The following HAS2 variants were observed in gnomAD, a reference collection of about 807,000 sequenced individuals.
The protein encoded by HAS2 is HA synthase 2.
In HAS2, 16 loss-of-function variants were observed where a neutral mutation model predicts 51.6. The observed-to-expected ratio is 0.31, with a 90% CI of 0.21 to 0.47. HAS2 has a LOEUF of 0.47. Ranked by LOEUF, HAS2 falls within the 20% of genes least tolerant of loss-of-function variation. The probability of loss-of-function intolerance (pLI) is 1.00; values close to 1 mark genes in which losing one functional copy is unlikely to be tolerated. For missense variants in HAS2, 361 were observed against 662.6 expected (o/e 0.54, Z 5.00); for synonymous variants, 228 against 235.5 (o/e 0.97, Z 0.29).
intron 2 of HAS2, among the ~76,000 whole-genome samples, chr8:121,620,236 A>G (rs1812755904): frequency 6.6e-6 from 1 of 152,218 alleles, no homozygotes; most frequent in Non-Finnish European, 1.5e-5. Context: ...ATGTGTATTC[A>G]TGGACACAAG....
intron 1 of HAS2, among the ~76,000 whole-genome samples, chr8:121,637,817 G>A (rs1420431283): frequency 1.3e-5 from 2 of 152,144 alleles, no homozygotes; most frequent in African/African-American, 2.4e-5. Flanking sequence ...CACTCTGTTG[G>A]CATACCAGCT....
chr8:121,627,586 A>T (rs1490839188), intron 2 of HAS2, among the ~76,000 whole-genome samples: 1 of 152,206 alleles, frequency 6.6e-6, no homozygotes, highest in Non-Finnish European at 1.5e-5. Flanking sequence ...ACTTTTGCTA[A>T]ACACTTGGAA....
At chr8:121,633,894 A>G (rs1812969084) in intron 1 of HAS2, among the ~76,000 whole-genome samples, 2 of 135,784 alleles carry the variant, frequency 1.5e-5, no homozygotes, top group African/African-American at 5.7e-5. Flanking sequence ...GAGTTACCCT[A>G]GTTTTTTGTT....
intron 1 of HAS2, among the ~76,000 whole-genome samples, chr8:121,634,063 A>G (rs1246752511): frequency 2.0e-5 from 3 of 152,018 alleles, no homozygotes; most frequent in African/African-American, 7.2e-5. Flanking sequence ...GGCATGTGCC[A>G]CCACGCCTGG....
intron 2 of HAS2, among the ~76,000 whole-genome samples, chr8:121,626,323 A>G (rs1031403253): frequency 2.6e-5 from 4 of 152,218 alleles, no homozygotes; most frequent in Non-Finnish European, 5.9e-5. Context: ...ATAATAGGCT[A>G]TGAGAGCAAT....
chr8:121,625,856 C>T (rs1019348176), intron 2 of HAS2, among the ~76,000 whole-genome samples: 2 of 151,926 alleles, frequency 1.3e-5, no homozygotes, highest in Admixed American at 6.6e-5. Flanking sequence ...TTTTTCCCTT[C>T]CTCTGTTTTC....
At chr8:121,621,396 C>G (rs1411277988) in intron 2 of HAS2, among the ~76,000 whole-genome samples, 1 of 152,154 alleles carries the variant, frequency 6.6e-6, no homozygotes, top group Non-Finnish European at 1.5e-5. Context: ...CTTCTATAAC[C>G]TTGAATGAGC....
chr8:121,629,818 A>G (rs1159672680), intron 1 of HAS2, among the ~76,000 whole-genome samples: 1 of 152,082 alleles, frequency 6.6e-6, no homozygotes, highest in Admixed American at 6.6e-5. Flanking sequence ...ATTTAATCTC[A>G]CCTCCAATGT....
Position 121,614,261 on chromosome 8 carries a change from G to C in HAS2, c.1507C>G (p.Pro503Ala). The change falls in exon 4 of 4, where the codon CCA becomes GCA. Residue 503 changes from proline to alanine, a missense_variant. Transcript: ENST00000303924. This position sits in a 1 kb window ranked among gnomAD's most constrained non-coding sequence, Gnocchi z 7.2. ...IFTIYKESKR[P>A]FSESKQTVLI... The stretch of plus-strand genomic sequence containing the variant: ...ACTGTCTGTTTGGATTCTGAAAATG[G>C]CCTTTTAGACTCCTTATAAATGGTG... 1 of 1,614,004 alleles carries C rather than the reference G, an allele frequency of 6.2e-7. No individual in the cohort carries two copies. Among genetic ancestry groups the C allele is most frequent in the Non-Finnish European group, 8.5e-7 (1 of 1,179,900 alleles).
chr8:121,633,625 C>T (rs1563623980), intron 1 of HAS2, among the ~76,000 whole-genome samples: 2 of 152,166 alleles, frequency 1.3e-5, no homozygotes, highest in African/African-American at 2.4e-5. Context: ...AATAGCAATT[C>T]TGCTCCTAAT....
At chr8:121,618,749 G>T (rs1812740188) in intron 2 of HAS2, among the ~76,000 whole-genome samples, 1 of 152,176 alleles carries the variant, frequency 6.6e-6, no homozygotes, top group African/African-American at 2.4e-5. Context: ...GATTGGCAGA[G>T]ACTGAGTATT....
rs764536788 is a variant in HAS2, at chr8:121,614,277, A to G, written c.1491T>C (p.Tyr497=). ...ILLGGVIFTI[Y]KESKRPFSES... Reference sequence around the variant, plus strand: ...CTGAAAATGGCCTTTTAGACTCCTTATAAATGGTGAAAATCACACCACCCA... The same window carrying G: ...CTGAAAATGGCCTTTTAGACTCCTTGTAAATGGTGAAAATCACACCACCCA... Residue 497 remains tyrosine, a synonymous_variant, in exon 4 of 4, where the codon TAT becomes TAC. Transcript: ENST00000303924. This position sits in a 1 kb window ranked among gnomAD's most constrained non-coding sequence, Gnocchi z 7.2. 6.2e-7 allele frequency: 1 copy of G among 1,614,172 alleles called. No homozygotes were observed. Among genetic ancestry groups the G allele is most frequent in the East Asian group, 2.2e-5 (1 of 44,880 alleles).
At chr8:121,640,566 A>G (rs1813079962) in intron 1 of HAS2, among the ~76,000 whole-genome samples, 1 of 152,074 alleles carries the variant, frequency 6.6e-6, no homozygotes, top group Non-Finnish European at 1.5e-5. Context: ...ATGGAAAAGT[A>G]CATCTGAGGA....
chr8:121,614,401 G>T lies in HAS2; in HGVS notation c.1367C>A (p.Ala456Glu). The change falls in exon 4 of 4, where the codon GCA becomes GAA. Residue 456 changes from alanine to glutamate, a missense_variant. This residue lies in a region of HAS2 where 106 missense variants were observed against 241.0 expected (regional missense o/e 0.44). Coordinates refer to ENST00000303924, the MANE Select transcript of HAS2 (RefSeq NM_005328.3). This position sits in a 1 kb window ranked among gnomAD's most constrained non-coding sequence, Gnocchi z 7.2. ...SLLPAKMFAI[A>E]TINKAGWGTS... The stretch of plus-strand genomic sequence containing the variant: ...GCCCCACCCAGCTTTGTTTATTGTT[G>T]CAATTGCAAACATCTTGGCGGGAAG... The T allele has an allele frequency of 6.2e-7, 1 of 1,614,066 alleles. No homozygotes were observed. The highest frequency in any genetic ancestry group is 8.5e-7 in the Non-Finnish European group (1 of 1,179,978).
chr8:121,634,595 C>T (rs1206463883), intron 1 of HAS2, among the ~76,000 whole-genome samples: 2 of 151,884 alleles, frequency 1.3e-5, no homozygotes, highest in Non-Finnish European at 2.9e-5. Context: ...ATAGCAGGGA[C>T]TCAATAAATA....
At position 121,614,546 on chromosome 8, in the gene HAS2, G is replaced by A. The variant is rs141700122; in HGVS notation, c.1222C>T (p.Leu408Phe). The A allele has an allele frequency of 1.9e-6, 3 of 1,614,038 alleles. No homozygotes were observed. The African/African-American group carries it at 4.0e-5, about 22-fold the overall frequency. ...ACTAGCTGGACAGTTAACAAGAAGAGGAGAATGTTCCAAATTTTACCCCGG... is the reference window on the plus strand; with the variant it reads ...ACTAGCTGGACAGTTAACAAGAAGAAGAGAATGTTCCAAATTTTACCCCGG... ...FYRGKIWNIL[L>F]FLLTVQLVGL... is the part of the protein sequence containing the mutation. Residue 408 changes from leucine to phenylalanine, a missense_variant, in exon 4 of 4, where the codon CTC becomes TTC. By Grantham distance (22) the Leu-to-Phe change is conservative. This residue lies in a region of HAS2 where 106 missense variants were observed against 241.0 expected (regional missense o/e 0.44). Transcript: ENST00000303924. This position sits in a 1 kb window ranked among gnomAD's most constrained non-coding sequence, Gnocchi z 7.2.
rs1554597329 is a variant in HAS2, at chr8:121,641,158, C to CTTTCTTTTTTTTTTTTTTTTTTTTTTT, written c.-307_-306insAAAAAAAAAAAAAAAAAAAAAAAGAAA. On this transcript the variant is annotated 5_prime_UTR_variant, in exon 1 of 4. Transcript: ENST00000303924. ...TAACTTTTCTTTTTTCTTTTCTTTT[C>CTTTCTTTTTTTTTTTTTTTTTTTTTTT]TTTTTTTTTTTTTTTTTTTTTTGGG... 3 of 57,016 alleles carry CTTTCTTTTTTTTTTTTTTTTTTTTTTT rather than the reference C, an allele frequency of 5.3e-5. No individual in the cohort carries two copies. Among genetic ancestry groups the CTTTCTTTTTTTTTTTTTTTTTTTTTTT allele is most frequent in the African/African-American group, 1.3e-4 (2 of 14,890 alleles). The allele number at this position is 57,016 out of a possible 1,614,324, so 3.5% of individuals were successfully genotyped here.
chr8:121,620,272 A>C (rs553282224), intron 2 of HAS2, among the ~76,000 whole-genome samples: 1 of 152,324 alleles, frequency 6.6e-6, no homozygotes, highest in South Asian at 2.1e-4. Context: ...GGGTGTAAAG[A>C]GCATAATTTT....
At chr8:121,618,278 A>G (rs1812732878) in intron 2 of HAS2, among the ~76,000 whole-genome samples, 1 of 152,192 alleles carries the variant, frequency 6.6e-6, no homozygotes, top group Non-Finnish European at 1.5e-5. Flanking sequence ...GGGCTTCATA[A>G]TTCTGAGTAA....
Sources: allele counts gnomAD v4.1 joint callset (sites outside exome capture counted in the v4.1 genomes callset), GRCh38; gene constraint gnomAD v4.1.1; regional missense constraint gnomAD v4.1.1; non-coding constraint Gnocchi (gnomAD v3.1); transcripts MANE v1.5; gene names NCBI Gene and HGNC (gene_info 2026-07-23, HGNC 2026-07-21).